CAND1: variants seen among roughly 807,000 people sequenced by gnomAD.
CAND1 encodes cullin-associated NEDD8-dissociated protein 1.
Under a neutral mutation model 108.5 loss-of-function variants are expected in CAND1, and 7 were observed. That is an observed-to-expected ratio of 0.06 (90% CI 0.04 to 0.12). CAND1 has a LOEUF of 0.12. Ranked by LOEUF, CAND1 falls within the 10% of genes least tolerant of loss-of-function variation. The pLI is 1.00. For missense variants in CAND1, 941 were observed against 1,448.7 expected, an observed-to-expected ratio of 0.65 and a Z score of 5.69; for synonymous variants, 534 against 512.0, an observed-to-expected ratio of 1.04 and a Z score of -0.58.
At chr12:67,290,611 T>C (rs2044713782) in intron 2 of CAND1, among the ~76,000 whole-genome samples, 1 of 152,216 alleles carries the variant, frequency 6.6e-6, no homozygotes, top group African/African-American at 2.4e-5. Flanking sequence ...AATTTGTTTT[T>C]AATCATGCCA....
At chr12:67,271,328 A>G (rs2044518814) in intron 1 of CAND1, among the ~76,000 whole-genome samples, 1 of 152,176 alleles carries the variant, frequency 6.6e-6, no homozygotes, top group Non-Finnish European at 1.5e-5. Flanking sequence ...AATTCAAGTA[A>G]TGGATGAGGT....
intron 1 of CAND1, among the ~76,000 whole-genome samples, chr12:67,274,354 T>A (rs1365919099): frequency 6.6e-6 from 1 of 152,204 alleles, no homozygotes; most frequent in Non-Finnish European, 1.5e-5. Flanking sequence ...TTCATGTCCA[T>A]GGAGAGATTT....
chr12:67,299,221 A>G (rs1372721907), intron 7 of CAND1, 126 bp downstream of exon 7: 2 of 912,428 alleles, frequency 2.2e-6, no homozygotes, highest in East Asian at 2.8e-5. Flanking sequence ...AATGATCTCA[A>G]TATTTGACAA....
At chr12:67,300,685 C>G (rs2044816253) in intron 7 of CAND1, among the ~76,000 whole-genome samples, 1 of 152,076 alleles carries the variant, frequency 6.6e-6, no homozygotes, top group Non-Finnish European at 1.5e-5. Flanking sequence ...GGTCTCCTAC[C>G]TATTAGAATA....
rs1466845989 is a variant in CAND1 at position 67,297,578 on chromosome 12, G to A, written c.663G>A (p.Glu221=). 3.1e-6 allele frequency: 5 copies of A among 1,613,898 alleles called. No individual in the cohort carries two copies. The highest frequency in any genetic ancestry group is 4.2e-6 in the Non-Finnish European group (5 of 1,179,984). Residue 221 remains glutamate, a synonymous_variant, in exon 5 of 15, where the codon GAG becomes GAA. Transcript: ENST00000545606. The part of the protein sequence containing the change: ...FVDLIEHLLS[E]LSKNDSMSTT... ...ATCTTATTGAACATCTGTTGTCAGA[G>A]TTGTCCAAAAATGATTCTATGTCAA...
intron 8 of CAND1, among the ~76,000 whole-genome samples, chr12:67,304,013 T>A (rs919984879): frequency 1.3e-5 from 2 of 149,818 alleles, no homozygotes; most frequent in African/African-American, 4.9e-5. Context: ...TTTTTTGAGA[T>A]GGAGTCTTGC....
rs901070402 is a variant in CAND1 at position 67,315,575 on chromosome 12, A to G, written c.*2745A>G. ...TTAATGACAGTCATGTATTTTATTA[A>G]TGATATCTGAAAGCTGCTTAACCAT... On this transcript the variant is annotated 3_prime_UTR_variant, in exon 15 of 15. Coordinates refer to ENST00000545606, the MANE Select transcript of CAND1 (RefSeq NM_018448.5). The G allele has an allele frequency of 2.0e-5, 3 of 152,198 alleles. No individual in the cohort carries two copies. 9.4% of individuals were successfully genotyped at this position (152,198 alleles called of 1,614,324 possible). A position where few individuals can be genotyped will look rare whatever the true frequency, so the allele number is the denominator to read the frequency against.
At chr12:67,301,114 C>T (rs1016289250) in intron 7 of CAND1, among the ~76,000 whole-genome samples, 1 of 151,988 alleles carries the variant, frequency 6.6e-6, no homozygotes, top group Non-Finnish European at 1.5e-5. Context: ...ATTTTATGTG[C>T]TCTTAACTTG....
chr12:67,269,668 A>T lies in CAND1; in HGVS notation c.-50A>T, dbSNP rs746228572. 6 of 1,517,270 alleles carry T rather than the reference A, an allele frequency of 4.0e-6. No individual in the cohort carries two copies. The allele number at this position is 1,517,270 out of a possible 1,614,324, so 94.0% of individuals were successfully genotyped here. ...TGGCGGCGGCGGCGGCGGCAGCGGC[A>T]GCGGGCAGCAGCTCCAGCAGCGCCA... On this transcript the variant is annotated 5_prime_UTR_variant, in exon 1 of 15. Coordinates refer to ENST00000545606, the MANE Select transcript of CAND1 (RefSeq NM_018448.5).
Position 67,306,155 on chromosome 12 carries a change from G to A in CAND1, c.2487G>A (p.Arg829=). 1 of 1,614,076 alleles carries A rather than the reference G, an allele frequency of 6.2e-7. No homozygotes were observed. Among genetic ancestry groups the A allele is most frequent in the Non-Finnish European group, 8.5e-7 (1 of 1,179,996 alleles). ...TTATTCAAGATGTCAAGAACTCAAGGTCTACAGATTCCATTCGTCTCTTAG... is the reference window on the plus strand; with the variant it reads ...TTATTCAAGATGTCAAGAACTCAAGATCTACAGATTCCATTCGTCTCTTAG... ...GQFIQDVKNS[R]STDSIRLLAL... The change falls in exon 10 of 15, where the codon AGG becomes AGA. Residue 829 remains arginine, a synonymous_variant. Coordinates refer to ENST00000545606, the MANE Select transcript of CAND1 (RefSeq NM_018448.5).
At chr12:67,311,910 G>A in intron 14 of CAND1, 110 bp downstream of exon 14, 1 of 652,908 alleles carries the variant, frequency 1.5e-6, no homozygotes, top group African/African-American at 1.8e-5. Context: ...CTGTGTAGCA[G>A]TTGGTTTAAA....
chr12:67,308,818 CT>C (rs528304244), intron 11 of CAND1, among the ~76,000 whole-genome samples: 25 of 148,854 alleles, frequency 1.7e-4, no homozygotes, highest in African/African-American at 2.7e-4. Context: ...GTTTCTCAGA[CT>C]TTTTTTTTTA....
chr12:67,286,538 A>C (rs775308), intron 2 of CAND1, among the ~76,000 whole-genome samples: 111,646 of 149,938 alleles, frequency 0.74, 42,493 homozygotes, highest in African/African-American at 0.9. Context: ...TGATGTCAAG[A>C]ACTGTTTCCT....
In CAND1 at chr12:67,305,133, A is replaced by G. The variant is rs2044865801; in HGVS notation, c.1465A>G (p.Ser489Gly). 4 of 1,611,016 alleles carry G rather than the reference A, an allele frequency of 2.5e-6. No homozygotes were observed. The highest frequency in any genetic ancestry group is 2.2e-5 in the South Asian group (2 of 90,314). The change falls in exon 10 of 15, where the codon AGC becomes GGC. Residue 489 changes from serine (S) to glycine (G), a missense_variant. By Grantham distance (56) the Ser-to-Gly change is moderately conservative. Transcript: ENST00000545606. The surrounding 1 kb of genome is among the most constrained non-coding windows in gnomAD (Gnocchi z 4.4). The part of the protein sequence containing the change: ...GIIFSLNDKS[S>G]SSNLKIDALS... Reference sequence around the variant, plus strand: ...CATTTTCTCACTGAATGATAAATCAAGCTCATCGAATTTGAAGATCGATGC... The same window carrying G: ...CATTTTCTCACTGAATGATAAATCAGGCTCATCGAATTTGAAGATCGATGC...
At chr12:67,282,550 G>T (rs908124184) in intron 2 of CAND1, among the ~76,000 whole-genome samples, 5 of 151,826 alleles carry the variant, frequency 3.3e-5, no homozygotes, top group Non-Finnish European at 7.4e-5. Flanking sequence ...AAATCCTCCT[G>T]CCTCATTTTT....
At chr12:67,287,216 G>A (rs1338648702) in intron 2 of CAND1, among the ~76,000 whole-genome samples, 5 of 152,196 alleles carry the variant, frequency 3.3e-5, no homozygotes, top group African/African-American at 9.7e-5. Flanking sequence ...CTCTTGGAGA[G>A]CAAAAATTGC....
intron 3 of CAND1, among the ~76,000 whole-genome samples, chr12:67,293,727 T>C (rs900591684): frequency 6.6e-6 from 1 of 151,914 alleles, no homozygotes; most frequent in African/African-American, 2.4e-5. Flanking sequence ...CATTCCAGCC[T>C]AGGGAACAAG....
At chr12:67,304,555 T>TG in intron 8 of CAND1, 50 bp from the exon 9 acceptor site, 2 of 1,585,940 alleles carry the variant, frequency 1.3e-6, no homozygotes, top group Non-Finnish European at 1.7e-6. Context: ...TTAAGTGTAC[T>TG]GAGGAAATAC....
rs373570130 is a variant in CAND1, at chr12:67,305,785, T to C, written c.2117T>C (p.Met706Thr). ...CCACCTCTTATCAGCGAAAGTGATA[T>C]GCATGTTTCACAAATGGCCATCAGT... Reference protein sequence around the residue: ...ELPPLISESDMHVSQMAISFL... With the variant: ...ELPPLISESDTHVSQMAISFL... Residue 706 changes from methionine to threonine, a missense_variant, in exon 10 of 15, where the codon ATG becomes ACG. By Grantham distance (81) the Met-to-Thr change is moderately conservative. This residue lies in a region of CAND1 where 697 missense variants were observed against 942.0 expected (regional missense o/e 0.74). Coordinates refer to ENST00000545606, the MANE Select transcript of CAND1 (RefSeq NM_018448.5). This position sits in a 1 kb window ranked among gnomAD's most constrained non-coding sequence, Gnocchi z 4.4. 3.1e-6 allele frequency: 5 copies of C among 1,614,042 alleles called. No homozygotes were observed. The highest frequency in any genetic ancestry group is 1.3e-5 in the African/African-American group (1 of 74,948).
Sources: gnomAD v4.1 joint callset for allele counts (sites outside exome capture counted in the v4.1 genomes callset) on GRCh38, gnomAD v4.1.1 for gene constraint, gnomAD v4.1.1 regional missense constraint, Gnocchi (gnomAD v3.1) non-coding constraint, MANE v1.5 for transcripts, NCBI Gene and HGNC (gene_info 2026-07-23, HGNC 2026-07-21) for gene names.